The following SNAP29 variants were observed in gnomAD, a reference collection of about 807,000 sequenced individuals.
SNAP29 encodes synaptosomal-associated protein 29.
A neutral mutation model predicts 27.9 loss-of-function variants in SNAP29; 13 were observed. The ratio of observed to expected loss-of-function variants is 0.47; its 90% CI spans 0.30 to 0.74. SNAP29 has a LOEUF of 0.74. Among genes scored for constraint, SNAP29 ranks in the 30% least tolerant of loss-of-function variants. The probability of loss-of-function intolerance (pLI) is 0.06; values close to 1 mark genes in which losing one functional copy is unlikely to be tolerated. For synonymous variants in SNAP29, 119 were observed against 127.1 expected (o/e 0.94, Z 0.43); for missense variants, 368 against 336.5 (o/e 1.09, Z -0.73).
chr22:20,862,188 G>C (rs545975348), intron 1 of SNAP29, among the ~76,000 whole-genome samples: 1 of 152,306 alleles, frequency 6.6e-6, no homozygotes, highest in African/African-American at 2.4e-5. Context: ...TGAGGTTTTA[G>C]GGCCCTGGTG....
intron 1 of SNAP29, among the ~76,000 whole-genome samples, chr22:20,864,181 G>A (rs559132740): frequency 4.1e-4 from 62 of 152,260 alleles, no homozygotes; most frequent in Admixed American, 7.8e-4. Context: ...TCTGGGGCCC[G>A]AGATCTCGGT....
intron 2 of SNAP29, among the ~76,000 whole-genome samples, chr22:20,872,663 G>C (rs1928622251): frequency 6.6e-6 from 1 of 151,976 alleles, no homozygotes; most frequent in Non-Finnish European, 1.5e-5. Flanking sequence ...GCCTTCCAAA[G>C]TGCTGGGATT....
intron 2 of SNAP29, among the ~76,000 whole-genome samples, chr22:20,879,963 T>C (rs1330702208): frequency 1.3e-5 from 2 of 150,422 alleles, no homozygotes; most frequent in Non-Finnish European, 3.0e-5. Flanking sequence ...GAGACTTCAG[T>C]GTTTGCACCA....
intron 2 of SNAP29, among the ~76,000 whole-genome samples, chr22:20,872,813 C>G (rs1273712064): frequency 7.3e-6 from 1 of 136,266 alleles, no homozygotes; most frequent in African/African-American, 2.7e-5. Flanking sequence ...CGAGCCACCA[C>G]GCCAGGCTTT....
chr22:20,859,440 TCA>T, intron 1 of SNAP29, 93 bp downstream of exon 1: 1 of 967,404 alleles, frequency 1.0e-6, no homozygotes. Context: ...TTGAGAATTC[TCA>T]AGTTGCCTAG....
intron 2 of SNAP29, 199 bp downstream of exon 2, chr22:20,870,732 A>C (rs1011703409): frequency 1.5e-6 from 1 of 647,368 alleles, no homozygotes; most frequent in East Asian, 2.8e-5. Context: ...ATTGACATCT[A>C]GTCTGTCAAT....
At chr22:20,864,010 A>G (rs1928399178) in intron 1 of SNAP29, among the ~76,000 whole-genome samples, 1 of 152,140 alleles carries the variant, frequency 6.6e-6, no homozygotes, top group African/African-American at 2.4e-5. Context: ...CCTGTCCCCT[A>G]ATGATGAGCA....
At chr22:20,877,062 G>C (rs968830974) in intron 2 of SNAP29, among the ~76,000 whole-genome samples, 1 of 152,126 alleles carries the variant, frequency 6.6e-6, no homozygotes, top group Non-Finnish European at 1.5e-5. Flanking sequence ...TTAAGACTTG[G>C]TTTCTGACCA....
chr22:20,872,962 T>C (rs1422281966), intron 2 of SNAP29, among the ~76,000 whole-genome samples: 1 of 149,736 alleles, frequency 6.7e-6, no homozygotes, highest in Non-Finnish European at 1.5e-5. Context: ...CCTGAGTAGC[T>C]GGGATTACAG....
At chr22:20,867,521 C>T (rs1928490053) in intron 1 of SNAP29, among the ~76,000 whole-genome samples, 1 of 152,156 alleles carries the variant, frequency 6.6e-6, no homozygotes, top group South Asian at 2.1e-4. Flanking sequence ...ACATTAAGTC[C>T]GGTCATTTCC....
chr22:20,875,871 G>T (rs1190983526), intron 2 of SNAP29, among the ~76,000 whole-genome samples: 3 of 138,846 alleles, frequency 2.2e-5, no homozygotes, highest in South Asian at 2.3e-4. Flanking sequence ...AAAAAAAAAT[G>T]GGGGGGCGGC....
intron 1 of SNAP29, among the ~76,000 whole-genome samples, chr22:20,865,068 T>C (rs1413236314): frequency 2.0e-5 from 3 of 152,156 alleles, no homozygotes; most frequent in Non-Finnish European, 4.4e-5. Flanking sequence ...AATTTGACCA[T>C]TGATGGCCAG....
chr22:20,878,308 G>A (rs950222330), intron 2 of SNAP29, among the ~76,000 whole-genome samples: 5 of 152,048 alleles, frequency 3.3e-5, no homozygotes, highest in East Asian at 1.9e-4. Context: ...TTGGGAGGCC[G>A]AGGCGGGCAG....
rs371643906 is a variant in SNAP29, at chr22:20,870,044, C to T, written c.238-293C>T. On this transcript the variant is annotated intron_variant, in intron 1 of 4. Coordinates refer to ENST00000215730, the MANE Select transcript of SNAP29 (RefSeq NM_004782.4). ...TCAGCCTCCCAAAATGCTGGGATTA[C>T]GGGTGTGAATCACTGCGCCACCCTC... Among the ~76,000 whole-genome samples, 19 of 152,186 alleles carry T rather than the reference C, an allele frequency of 1.2e-4. No homozygotes were observed. The South Asian group carries it at 2.9e-3, about 23-fold the overall frequency.
intron 2 of SNAP29, among the ~76,000 whole-genome samples, chr22:20,879,800 G>A (rs536842532): frequency 3.7e-4 from 53 of 144,930 alleles, no homozygotes; most frequent in Admixed American, 6.4e-4. Flanking sequence ...CCAAGATTGC[G>A]CCACTGCACT....
chr22:20,883,516 A>G lies in SNAP29; in HGVS notation c.566A>G (p.Tyr189Cys). ...GGTTCTGCCATGAGTACTGATGCTT[A>G]CCCAAAGAACCCACACCTTCGAGCC... ...GAGSAMSTDA[Y>C]PKNPHLRAYH... Residue 189 changes from tyrosine to cysteine, a missense_variant, in exon 4 of 5, where the codon TAC (tyrosine) becomes TGC (cysteine). Tyr to Cys is a radical substitution (Grantham distance 194). Transcript: ENST00000215730. 6.2e-7 allele frequency: 1 copy of G among 1,613,802 alleles called. No individual in the cohort carries two copies. The highest frequency in any genetic ancestry group is 1.1e-5 in the South Asian group (1 of 91,076).
At chr22:20,880,992 T>C in intron 2 of SNAP29, 57 bp from the exon 3 acceptor site, 1 of 1,122,476 alleles carries the variant, frequency 8.9e-7, no homozygotes, top group South Asian at 1.3e-5. Context: ...CTGATAACAT[T>C]GTCATAGGGG....
At chr22:20,863,109 G>A (rs977798752) in intron 1 of SNAP29, among the ~76,000 whole-genome samples, 9 of 152,104 alleles carry the variant, frequency 5.9e-5, no homozygotes, top group Admixed American at 3.9e-4. Context: ...GGCTAGTCTC[G>A]AATTCCTGAG....
chr22:20,872,900 G>T (rs1928632482), intron 2 of SNAP29, among the ~76,000 whole-genome samples: 1 of 124,576 alleles, frequency 8.0e-6, no homozygotes, highest in Non-Finnish European at 1.6e-5. Flanking sequence ...CACCATCTCA[G>T]CTCACTGAAA....
Sources: allele counts gnomAD v4.1 joint callset (sites outside exome capture counted in the v4.1 genomes callset), GRCh38; gene constraint gnomAD v4.1.1; transcripts MANE v1.5; gene names NCBI Gene and HGNC (gene_info 2026-07-23, HGNC 2026-07-21).